FSTL1: variants seen among roughly 807,000 people sequenced by gnomAD.
FSTL1 encodes follistatin-related protein 1.
A neutral mutation model predicts 45.9 loss-of-function variants in FSTL1; 24 were observed. The ratio of observed to expected loss-of-function variants is 0.52; its 90% CI spans 0.38 to 0.74. The LOEUF (loss-of-function observed/expected upper bound fraction) is 0.74, where lower values mean the gene tolerates loss of function less well. Ranked by LOEUF, FSTL1 falls within the 30% of genes least tolerant of loss-of-function variation. The probability of loss-of-function intolerance (pLI) is 0.00; values close to 1 mark genes in which losing one functional copy is unlikely to be tolerated. For missense variants in FSTL1, 340 were observed against 381.8 expected (o/e 0.89, Z 0.91); for synonymous variants, 120 against 137.6 (o/e 0.87, Z 0.89).
intron 2 of FSTL1, among the ~76,000 whole-genome samples, chr3:120,437,387 T>G (rs996397092): frequency 6.6e-6 from 1 of 152,148 alleles, no homozygotes. Flanking sequence ...ACCATAAAAA[T>G]AAGCACTGGT....
intron 10 of FSTL1, among the ~76,000 whole-genome samples, chr3:120,399,271 C>G (rs529101690): frequency 5.2e-4 from 79 of 152,304 alleles, no homozygotes; most frequent in African/African-American, 1.8e-3. Context: ...CTGCTAAGAA[C>G]CCTTTCCCCA....
chr3:120,397,297 A>G (rs971944779), intron 10 of FSTL1, among the ~76,000 whole-genome samples: 2 of 152,234 alleles, frequency 1.3e-5, no homozygotes, highest in Non-Finnish European at 2.9e-5. Flanking sequence ...GTTAAATGGA[A>G]ATGCTACAAG....
In FSTL1 at chr3:120,435,830, C is replaced by T. The variant is rs1937543292; in HGVS notation, c.63+14854G>A. On this transcript the variant is annotated intron_variant, in intron 2 of 10. Coordinates refer to ENST00000295633, the MANE Select transcript of FSTL1 (RefSeq NM_007085.5). ...CCTGGAAAATAACCCAATCAACCAA[C>T]GGAAACACAGCCACTGGGGAGGAAC... is the stretch of plus-strand genomic sequence containing the variant. Among the ~76,000 whole-genome samples the T allele has an allele frequency of 5.9e-5, 9 of 152,324 alleles. No homozygotes were observed. In the South Asian group the frequency reaches 1.0e-3, roughly 18 times the overall value.
At chr3:120,446,990 C>A (rs1478771157) in intron 2 of FSTL1, among the ~76,000 whole-genome samples, 1 of 152,124 alleles carries the variant, frequency 6.6e-6, no homozygotes, top group African/African-American at 2.4e-5. Flanking sequence ...ATTTCTAGAC[C>A]TGGAATGCTG....
intron 2 of FSTL1, among the ~76,000 whole-genome samples, chr3:120,416,613 C>T (rs542112921): frequency 6.6e-6 from 1 of 152,228 alleles, no homozygotes; most frequent in South Asian, 2.1e-4. Context: ...TCTGAAGGAC[C>T]CAAACCTGAC....
intron 6 of FSTL1, among the ~76,000 whole-genome samples, chr3:120,407,936 G>A (rs1036742482): frequency 6.6e-6 from 1 of 152,196 alleles, no homozygotes; most frequent in Non-Finnish European, 1.5e-5. Context: ...GTGTTGAGGG[G>A]AATGTGGCAT....
intron 2 of FSTL1, among the ~76,000 whole-genome samples, chr3:120,438,901 CTGAAT>C (rs1329304781): frequency 6.6e-6 from 1 of 152,244 alleles, no homozygotes. Flanking sequence ...TTCAAGGCAG[CTGAAT>C]CCTGACAGTC....
Position 120,403,323 on chromosome 3 carries a change from A to G in FSTL1, c.613T>C (p.Ser205Pro). The change falls in exon 8 of 11, where the codon TCT becomes CCT. Residue 205 changes from serine to proline, a missense_variant. Coordinates refer to ENST00000295633, the MANE Select transcript of FSTL1 (RefSeq NM_007085.5). ...GLCVDALIEL[S>P]DENADWKLSF... ...AGTTTCCAATCAGCATTTTCATCAG[A>G]CAGTTCAATGAGAGCATCAACACAG... 1 of 1,611,284 alleles carries G rather than the reference A, an allele frequency of 6.2e-7. No homozygotes were observed. Among genetic ancestry groups the G allele is most frequent in the African/African-American group, 1.3e-5 (1 of 74,988 alleles).
At chr3:120,403,627 GTT>G (rs1009077278) in intron 7 of FSTL1, among the ~76,000 whole-genome samples, 19 of 152,046 alleles carry the variant, frequency 1.2e-4, no homozygotes, top group African/African-American at 4.6e-4. Flanking sequence ...TTCGTGAATG[GTT>G]TTGTCTAATG....
chr3:120,448,202 A>G (rs938648320), intron 2 of FSTL1, among the ~76,000 whole-genome samples: 3 of 152,250 alleles, frequency 2.0e-5, no homozygotes, highest in African/African-American at 4.8e-5. Context: ...TTTATTTTCT[A>G]AATTTCATTT....
chr3:120,400,448 C>T (rs1256681004), intron 9 of FSTL1, among the ~76,000 whole-genome samples: 1 of 152,186 alleles, frequency 6.6e-6, no homozygotes, highest in Non-Finnish European at 1.5e-5. Flanking sequence ...TAATGTGCAG[C>T]CAGGGTTGAC....
At chr3:120,416,967 T>C (rs1937197057) in intron 2 of FSTL1, among the ~76,000 whole-genome samples, 2 of 152,288 alleles carry the variant, frequency 1.3e-5, no homozygotes, top group Non-Finnish European at 2.9e-5. Flanking sequence ...CCCCACCTCA[T>C]TCACCACTCA....
chr3:120,416,763 G>A (rs1272068910), intron 2 of FSTL1, among the ~76,000 whole-genome samples: 2 of 152,196 alleles, frequency 1.3e-5, no homozygotes, highest in Non-Finnish European at 1.5e-5. Context: ...TTAAGAGGGC[G>A]AAGCTGCCTG....
At chr3:120,404,153 G>A (rs1200619217) in intron 7 of FSTL1, among the ~76,000 whole-genome samples, 2 of 152,004 alleles carry the variant, frequency 1.3e-5, no homozygotes, top group African/African-American at 4.8e-5. Context: ...CCTTCACTGG[G>A]ATATCATGAG....
At chr3:120,415,627 G>T (rs1937174669) in intron 3 of FSTL1, among the ~76,000 whole-genome samples, 1 of 152,182 alleles carries the variant, frequency 6.6e-6, no homozygotes, top group Admixed American at 6.5e-5. Context: ...GGATTGAAGG[G>T]TTATGGGGGA....
At chr3:120,412,049 ACATACATG>A in intron 3 of FSTL1, 66 bp from the exon 4 acceptor site, 2 of 663,004 alleles carry the variant, frequency 3.0e-6, no homozygotes, top group Non-Finnish European at 4.8e-6. Context: ...ACACACACAC[ACATACATG>A]CACACACACA....
chr3:120,403,684 T>C (rs930228638), intron 7 of FSTL1, among the ~76,000 whole-genome samples: 1 of 151,968 alleles, frequency 6.6e-6, no homozygotes, highest in African/African-American at 2.4e-5. Flanking sequence ...CTTTTCCCCA[T>C]GGTATATACA....
intron 2 of FSTL1, among the ~76,000 whole-genome samples, chr3:120,431,432 T>A (rs979739016): frequency 6.6e-6 from 1 of 152,214 alleles, no homozygotes; most frequent in Non-Finnish European, 1.5e-5. Flanking sequence ...ATCTGGTATG[T>A]CTTTTACACT....
chr3:120,405,426 G>C (rs57814820), intron 6 of FSTL1, among the ~76,000 whole-genome samples: 1 of 152,230 alleles, frequency 6.6e-6, no homozygotes, highest in Non-Finnish European at 1.5e-5. Context: ...CAGCAATGCA[G>C]ATGACCCTCT....
Sources: gnomAD v4.1 joint callset for allele counts (sites outside exome capture counted in the v4.1 genomes callset) on GRCh38, gnomAD v4.1.1 for gene constraint, MANE v1.5 for transcripts, NCBI Gene and HGNC (gene_info 2026-07-23, HGNC 2026-07-21) for gene names.